The following AJAP1 variants were observed in gnomAD, a reference collection of about 807,000 sequenced individuals.
AJAP1 encodes the protein adherens junctions associated protein 1, also known as adherens junction-associated protein 1.
AJAP1 carries 5 observed loss-of-function variants against 35.0 expected under a neutral mutation model. That is an observed-to-expected ratio of 0.14 (90% CI 0.07 to 0.30). AJAP1 has a LOEUF of 0.30. AJAP1 is among the 10% of genes least tolerant of loss of function. AJAP1 has a pLI of 1.00. For synonymous variants in AJAP1, 284 were observed against 249.3 expected, an observed-to-expected ratio of 1.14 and a Z score of -1.31; for missense variants, 586 against 571.0, an observed-to-expected ratio of 1.03 and a Z score of -0.27.
intron 1 of AJAP1, among the ~76,000 whole-genome samples, chr1:4,658,184 G>C (rs1390319775): frequency 6.6e-6 from 1 of 152,128 alleles, no homozygotes; most frequent in Admixed American, 6.6e-5. Flanking sequence ...GCTGGGTTGC[G>C]CTCAGGACTG....
chr1:4,740,735 G>A (rs1470128506), intron 2 of AJAP1, among the ~76,000 whole-genome samples: 31 of 125,462 alleles, frequency 2.5e-4, no homozygotes, highest in African/African-American at 2.7e-4. Flanking sequence ...ACAGTGAGCC[G>A]AGATCGCACC....
At chr1:4,757,073 G>A (rs1005665623) in intron 2 of AJAP1, among the ~76,000 whole-genome samples, 76 of 152,228 alleles carry the variant, frequency 5.0e-4, no homozygotes, top group Non-Finnish European at 5.4e-4. Context: ...GTTTGGGGAG[G>A]TGATAAGGGA....
chr1:4,735,778 G>A (rs957914205), intron 2 of AJAP1, among the ~76,000 whole-genome samples: 2 of 152,162 alleles, frequency 1.3e-5, no homozygotes, highest in Non-Finnish European at 2.9e-5. Context: ...CCTCCTCCGG[G>A]GTCCCATCTT....
intron 1 of AJAP1, among the ~76,000 whole-genome samples, chr1:4,701,174 C>G (rs1244940561): frequency 6.6e-6 from 1 of 152,198 alleles, no homozygotes; most frequent in Non-Finnish European, 1.5e-5. Flanking sequence ...CTCCGTGCTC[C>G]AGAGCTCCTG....
chr1:4,693,220 G>A lies in AJAP1; in HGVS notation c.30-18680G>A, dbSNP rs964732795. 6.6e-6 allele frequency among the ~76,000 whole-genome samples: 1 copy of A among 152,102 alleles called. No homozygotes were observed. Among genetic ancestry groups the A allele is most frequent in the African/African-American group, 2.4e-5 (1 of 41,428 alleles). Reference sequence around the variant, plus strand: ...AGGATTCAAAGGCCCACCCGAGTGGGGAGGCGCCCATGGGAACTTTAGACA... The same window carrying A: ...AGGATTCAAAGGCCCACCCGAGTGGAGAGGCGCCCATGGGAACTTTAGACA... On this transcript the variant is annotated intron_variant, in intron 1 of 5. Transcript: ENST00000378191. This position sits in a 1 kb window ranked among gnomAD's most constrained non-coding sequence, Gnocchi z 4.4.
At chr1:4,698,913 C>T (rs1377864160) in intron 1 of AJAP1, among the ~76,000 whole-genome samples, 1 of 152,210 alleles carries the variant, frequency 6.6e-6, no homozygotes, top group East Asian at 1.9e-4. Flanking sequence ...CGGGGAGTGG[C>T]TTGGGCAGGG....
chr1:4,690,327 G>A (rs1163876524), intron 1 of AJAP1, among the ~76,000 whole-genome samples: 2 of 152,174 alleles, frequency 1.3e-5, no homozygotes, highest in African/African-American at 4.8e-5. Context: ...GCTGAGCTGG[G>A]TCTGCAAAGT....
chr1:4,756,561 G>A (rs1266605636), intron 2 of AJAP1, among the ~76,000 whole-genome samples: 1 of 152,200 alleles, frequency 6.6e-6, no homozygotes, highest in Non-Finnish European at 1.5e-5. Flanking sequence ...GGATTTGGAG[G>A]GCCTGCCGTG....
chr1:4,711,822 G>C lies in AJAP1; in HGVS notation c.30-78G>C, dbSNP rs551998794. On this transcript the variant is annotated intron_variant, in intron 1 of 5. Transcript: ENST00000378191. ...GAGCGTCCTTGTCACAGCGCGGGGT[G>C]GAGAGAGAGGGCCCCGGGGCCCAGT... 8 of 1,167,006 alleles carry C rather than the reference G, an allele frequency of 6.9e-6. 1 individual carries two copies. Among genetic ancestry groups the C allele is most frequent in the Middle Eastern group, 4.5e-4 (2 of 4,398 alleles). The allele number at this position is 1,167,006 out of a possible 1,614,324, so 72.3% of individuals were successfully genotyped here.
intron 1 of AJAP1, among the ~76,000 whole-genome samples, chr1:4,676,985 C>T (rs1010081564): frequency 1.3e-5 from 2 of 152,080 alleles, no homozygotes; most frequent in Non-Finnish European, 2.9e-5. Flanking sequence ...GGTGAAACCC[C>T]GTCTCTACTA....
chr1:4,722,402 T>C (rs1640539808), intron 2 of AJAP1, among the ~76,000 whole-genome samples: 1 of 152,152 alleles, frequency 6.6e-6, no homozygotes, highest in East Asian at 1.9e-4. Context: ...CTGTTATGAA[T>C]CTCTGCTCTA....
intron 2 of AJAP1, among the ~76,000 whole-genome samples, chr1:4,732,072 G>T (rs1048755094): frequency 6.6e-6 from 1 of 152,252 alleles, no homozygotes; most frequent in African/African-American, 2.4e-5. Context: ...TGTGCTCTTG[G>T]GGAGAGGCTG....
intron 3 of AJAP1, among the ~76,000 whole-genome samples, chr1:4,771,900 C>T (rs879332495): frequency 6.6e-6 from 1 of 152,056 alleles, no homozygotes; most frequent in Non-Finnish European, 1.5e-5. Flanking sequence ...ACTCTAGGCC[C>T]CTCTGGCAGG....
intron 2 of AJAP1, among the ~76,000 whole-genome samples, chr1:4,739,447 G>T (rs1192565729): frequency 6.6e-6 from 1 of 152,204 alleles, no homozygotes; most frequent in Non-Finnish European, 1.5e-5. Flanking sequence ...CTACCCTCGT[G>T]TTAACTCCAG....
chr1:4,712,442 C>G lies in AJAP1; in HGVS notation c.572C>G (p.Ala191Gly). The change falls in exon 2 of 6, where the codon GCC (alanine) becomes GGC (glycine). Residue 191 changes from alanine to glycine, a missense_variant. Physicochemically the swap from Ala to Gly is moderately conservative, Grantham distance 60 (BLOSUM62 0). Transcript: ENST00000378191. ...IAWGPTGDEE[A>G]LESNTFPGVY... ...TGGGGGCCCACGGGGGACGAGGAGG[C>G]CCTGGAGTCCAACACATTTCCGGGC... The G allele has an allele frequency of 6.2e-7, 1 of 1,608,588 alleles. No homozygotes were observed. Among genetic ancestry groups the G allele is most frequent in the Non-Finnish European group, 8.5e-7 (1 of 1,177,824 alleles).
rs1157062050 is a variant in AJAP1, at chr1:4,655,548, C to T, written c.29+94C>T. 2.4e-5 allele frequency: 35 copies of T among 1,446,564 alleles called. No individual in the cohort carries two copies. The highest frequency in any genetic ancestry group is 3.2e-5 in the Non-Finnish European group (34 of 1,070,490). 89.6% of individuals were successfully genotyped at this position (1,446,564 alleles called of 1,614,324 possible). On this transcript the variant is annotated intron_variant, in intron 1 of 5. Transcript: ENST00000378191. The surrounding 1 kb of genome is among the most constrained non-coding windows in gnomAD (Gnocchi z 6.9). ...TCCTCTATGTTGCAAATCAAGGGAC[C>T]CCTCTTCGCTTCCCGCAAGCGGGCA...
intron 2 of AJAP1, among the ~76,000 whole-genome samples, chr1:4,748,598 A>G (rs2100328622): frequency 6.6e-6 from 1 of 152,170 alleles, no homozygotes; most frequent in East Asian, 1.9e-4. Flanking sequence ...AAATGCAAAA[A>G]TTAGCCAGGC....
intron 1 of AJAP1, among the ~76,000 whole-genome samples, chr1:4,695,608 C>T (rs563977153): frequency 1.4e-4 from 21 of 152,240 alleles, no homozygotes; most frequent in Non-Finnish European, 2.2e-4. Context: ...CTCGTAGTTT[C>T]GAAGGTGGAA....
chr1:4,663,479 A>G (rs1463373946), intron 1 of AJAP1, among the ~76,000 whole-genome samples: 1 of 152,306 alleles, frequency 6.6e-6, no homozygotes, highest in East Asian at 1.9e-4. Flanking sequence ...GAAGAACCCA[A>G]CTGCATAAGA....
Sources: allele counts gnomAD v4.1 joint callset (sites outside exome capture counted in the v4.1 genomes callset), GRCh38; gene constraint gnomAD v4.1.1; non-coding constraint Gnocchi (gnomAD v3.1); transcripts MANE v1.5; gene names NCBI Gene and HGNC (gene_info 2026-07-23, HGNC 2026-07-21).